The following ZNF106 variants were observed in gnomAD, a reference collection of about 807,000 sequenced individuals.
ZNF106 encodes the protein SH3-domain binding protein 3.
A neutral mutation model predicts 195.1 loss-of-function variants in ZNF106; 67 were observed. That is an observed-to-expected ratio of 0.34 (90% CI 0.28 to 0.42). ZNF106 has a LOEUF of 0.42. ZNF106 is among the 10% of genes least tolerant of loss of function. The pLI, the probability that ZNF106 is intolerant of heterozygous loss-of-function variation, is 1.00. For synonymous variants in ZNF106, 784 were observed against 818.6 expected (o/e 0.96, Z 0.72); for missense variants, 2,118 against 2,304.5 (o/e 0.92, Z 1.66).
chr15:42,450,561 A>G lies in ZNF106; in HGVS notation c.1711T>C (p.Leu571=), dbSNP rs747761114. 5 of 1,614,180 alleles carry G rather than the reference A, an allele frequency of 3.1e-6. No homozygotes were observed. Among genetic ancestry groups the G allele is most frequent in the South Asian group, 2.2e-5 (2 of 91,072 alleles). ...GAAGTGCTAAGAAGTGGATTTTGCA[A>G]TGACTCATGACACTGTAGCACCTCT... ...AKEVLQCHES[L]QNPLLSTSKS... Residue 571 remains leucine, a synonymous_variant, in exon 5 of 22, where the codon TTG becomes CTG. Transcript: ENST00000564754.
chr15:42,460,312 C>T (rs1267545121), intron 3 of ZNF106, among the ~76,000 whole-genome samples: 1 of 152,140 alleles, frequency 6.6e-6, no homozygotes, highest in East Asian at 1.9e-4. Flanking sequence ...AACTAGAAAG[C>T]AATACTGACT....
chr15:42,477,080 A>G (rs1035084422), intron 1 of ZNF106, among the ~76,000 whole-genome samples: 6 of 152,032 alleles, frequency 3.9e-5, no homozygotes, highest in South Asian at 4.2e-4. Context: ...GGTCAACTGT[A>G]TTTTTCTTTA....
Position 42,450,963 on chromosome 15 carries a change from G to C in ZNF106, c.1309C>G (p.Leu437Val). The C allele has an allele frequency of 3.1e-6, 5 of 1,614,246 alleles. No homozygotes were observed. The highest frequency in any genetic ancestry group is 4.2e-6 in the Non-Finnish European group (5 of 1,180,054). ...KTQKEIHTGS[L>V]NHKASSDSAA... ...GAATCAGAAGAGGCCTTGTGATTAA[G>C]AGATCCAGTATGTATTTCTTTTTGT... Residue 437 changes from leucine (L) to valine (V), a missense_variant, in exon 5 of 22, where the codon CTT (leucine) becomes GTT (valine). Physicochemically the swap from Leu to Val is conservative, Grantham distance 32. Coordinates refer to ENST00000564754, the MANE Select transcript of ZNF106 (RefSeq NM_001366845.3).
chr15:42,483,437 G>A (rs2141456958), intron 1 of ZNF106, among the ~76,000 whole-genome samples: 1 of 152,228 alleles, frequency 6.6e-6, no homozygotes, highest in South Asian at 2.1e-4. Context: ...AAGTCTGCTG[G>A]GACCTGGGTG....
rs982671800 is a variant in ZNF106 at position 42,414,883 on chromosome 15, T to G, written c.*2421A>C. 1 of 152,234 alleles carries G rather than the reference T, an allele frequency of 6.6e-6. No homozygotes were observed. Among genetic ancestry groups the G allele is most frequent in the Non-Finnish European group, 1.5e-5 (1 of 68,062 alleles). The allele number at this position is 152,234 out of a possible 1,614,324, so 9.4% of individuals were successfully genotyped here. ...CAAACCCACAGAACAGTTTGGCTTC[T>G]CTGGATATCCTTATAGGAAATAGGG... On this transcript the variant is annotated 3_prime_UTR_variant, in exon 22 of 22. Coordinates refer to ENST00000564754, the MANE Select transcript of ZNF106 (RefSeq NM_001366845.3).
At chr15:42,472,504 C>A (rs923462244) in intron 1 of ZNF106, among the ~76,000 whole-genome samples, 183 bp from the exon 2 acceptor site, 9 of 152,088 alleles carry the variant, frequency 5.9e-5, no homozygotes, top group African/African-American at 2.2e-4. Context: ...TTCTTTTTCA[C>A]CCCATATCCA....
intron 20 of ZNF106, among the ~76,000 whole-genome samples, chr15:42,419,264 G>A (rs1240704266): frequency 1.3e-5 from 2 of 152,110 alleles, no homozygotes; most frequent in African/African-American, 4.8e-5. Context: ...CTATCCAGGA[G>A]GCTGAGGCAG....
rs552499527 is a variant in ZNF106 at position 42,486,194 on chromosome 15, G to A, written c.-33+4786C>T. On this transcript the variant is annotated intron_variant, in intron 1 of 21. Transcript: ENST00000564754. ...CAGGATGGCTAGATCCCTTGACCTC[G>A]TGATCCGCCCACCTCAGCCTCCCAA... is the stretch of plus-strand genomic sequence containing the variant. Among the ~76,000 whole-genome samples the A allele has an allele frequency of 2.6e-5, 4 of 151,890 alleles. No individual in the cohort carries two copies. The South Asian group carries it at 6.3e-4, about 24-fold the overall frequency.
intron 19 of ZNF106, 72 bp downstream of exon 19, chr15:42,421,845 T>C (rs1044011009): frequency 7.6e-7 from 1 of 1,322,768 alleles, no homozygotes. Flanking sequence ...CAGATGTCAC[T>C]TTTGGAAGTG....
At position 42,422,484 on chromosome 15, in the gene ZNF106, C is replaced by A; in HGVS notation, c.5373+17G>T. On this transcript the variant is annotated intron_variant, in intron 18 of 21. Transcript: ENST00000564754. ...CTCCCCAAATCATTCAAGCAAAATA[C>A]TGAATCTAAATTCTACCTGTAATTC... The A allele has an allele frequency of 4.3e-6, 7 of 1,609,512 alleles. No individual in the cohort carries two copies. Among genetic ancestry groups the A allele is most frequent in the Non-Finnish European group, 5.9e-6 (7 of 1,178,488 alleles).
At chr15:42,429,499 G>A (rs1333370358) in intron 14 of ZNF106, among the ~76,000 whole-genome samples, 4 of 151,764 alleles carry the variant, frequency 2.6e-5, no homozygotes, top group African/African-American at 7.3e-5. Flanking sequence ...AGCTTTTTAA[G>A]TGGGCTTGGC....
At position 42,450,500 on chromosome 15, in the gene ZNF106, T is replaced by C; in HGVS notation, c.1772A>G (p.Asn591Ser). The change falls in exon 5 of 22, where the codon AAT becomes AGT. Residue 591 changes from asparagine (N) to serine (S), a missense_variant. Coordinates refer to ENST00000564754, the MANE Select transcript of ZNF106 (RefSeq NM_001366845.3). ...STRNYAKASRNVEESEKGSLK... is the reference protein window; with the variant it reads ...STRNYAKASRSVEESEKGSLK... ...AGACCCTTTTTCAGATTCTTCTACATTTCTACTTGCTTTTGCATAGTTCCT... is the reference window on the plus strand; with the variant it reads ...AGACCCTTTTTCAGATTCTTCTACACTTCTACTTGCTTTTGCATAGTTCCT... 7 of 1,614,076 alleles carry C rather than the reference T, an allele frequency of 4.3e-6. No homozygotes were observed. Among genetic ancestry groups the C allele is most frequent in the Non-Finnish European group, 5.9e-6 (7 of 1,180,008 alleles).
intron 1 of ZNF106, among the ~76,000 whole-genome samples, chr15:42,476,619 T>C (rs918441729): frequency 1.3e-5 from 2 of 152,140 alleles, no homozygotes; most frequent in African/African-American, 4.8e-5. Flanking sequence ...TTGTTAACAG[T>C]ACATTTAGTA....
chr15:42,466,759 A>G (rs867326398), intron 2 of ZNF106, among the ~76,000 whole-genome samples: 2 of 152,194 alleles, frequency 1.3e-5, no homozygotes, highest in Admixed American at 6.5e-5. Flanking sequence ...TTTGGTTCCA[A>G]TGAAAAGTTT....
At chr15:42,455,273 A>G (rs916955641) in intron 4 of ZNF106, among the ~76,000 whole-genome samples, 1 of 152,216 alleles carries the variant, frequency 6.6e-6, no homozygotes, top group African/African-American at 2.4e-5. Context: ...GCATATACAT[A>G]ATGGGATATT....
chr15:42,472,802 G>A (rs967266269), intron 1 of ZNF106, among the ~76,000 whole-genome samples: 2 of 152,096 alleles, frequency 1.3e-5, no homozygotes, highest in Non-Finnish European at 2.9e-5. Context: ...ACGAGGTCAG[G>A]AGTTAGAGAC....
At position 42,415,779 on chromosome 15, in the gene ZNF106, C is replaced by G; in HGVS notation, c.*1525G>C. On this transcript the variant is annotated 3_prime_UTR_variant, in exon 22 of 22. Coordinates refer to ENST00000564754, the MANE Select transcript of ZNF106 (RefSeq NM_001366845.3). ...TTTGAGACGGAGTCTCACTCTGTCA[C>G]CAGGCTGGAGTGCAGTGGCACGATC... is the stretch of plus-strand genomic sequence containing the variant. The G allele has an allele frequency of 5.8e-6, 1 of 171,062 alleles. No homozygotes were observed. Among genetic ancestry groups the G allele is most frequent in the East Asian group, 1.8e-4 (1 of 5,558 alleles). The allele number at this position is 171,062 out of a possible 1,614,324, so 10.6% of individuals were successfully genotyped here.
chr15:42,428,808 G>C (rs1204834973), intron 14 of ZNF106, among the ~76,000 whole-genome samples: 1 of 152,064 alleles, frequency 6.6e-6, no homozygotes, highest in Admixed American at 6.5e-5. Flanking sequence ...CTGTCGCCCA[G>C]GCTGGAGTGC....
intron 3 of ZNF106, among the ~76,000 whole-genome samples, chr15:42,460,791 T>C (rs994707807): frequency 7.5e-5 from 11 of 146,852 alleles, no homozygotes; most frequent in Non-Finnish European, 1.6e-4. Context: ...ACCCAGGAGG[T>C]GGAGGTTGCG....
Sources: allele counts gnomAD v4.1 joint callset (sites outside exome capture counted in the v4.1 genomes callset), GRCh38; gene constraint gnomAD v4.1.1; transcripts MANE v1.5; gene names NCBI Gene and HGNC (gene_info 2026-07-23, HGNC 2026-07-21).